The following DGLUCY variants were observed in gnomAD, a reference collection of about 807,000 sequenced individuals.
DGLUCY encodes the protein D-glutamate cyclase.
DGLUCY carries 58 observed loss-of-function variants against 58.5 expected under a neutral mutation model. The ratio of observed to expected loss-of-function variants is 0.99; its 90% confidence interval spans 0.80 to 1.23. The LOEUF is 1.23. Among genes scored for constraint, DGLUCY ranks in the 50% most tolerant of loss-of-function variants. The probability of loss-of-function intolerance (pLI) is 0.00; values close to 1 mark genes in which losing one functional copy is unlikely to be tolerated. For synonymous variants in DGLUCY, 325 were observed against 314.1 expected, an observed-to-expected ratio of 1.03 and a Z score of -0.37; for missense variants, 779 against 784.7, an observed-to-expected ratio of 0.99 and a Z score of 0.09.
intron 1 of DGLUCY, among the ~76,000 whole-genome samples, chr14:91,153,331 C>T (rs575920735): frequency 2.1e-4 from 32 of 152,164 alleles, no homozygotes; most frequent in Non-Finnish European, 3.1e-4. Context: ...TATAGACATG[C>T]GCCACCACAC....
chr14:91,213,759 G>C (rs2140718066), intron 12 of DGLUCY, among the ~76,000 whole-genome samples: 1 of 152,040 alleles, frequency 6.6e-6, no homozygotes, highest in South Asian at 2.1e-4. Context: ...GAGTGCCATG[G>C]CATGATCTTG....
At chr14:91,137,135 G>A (rs149210680) in intron 1 of DGLUCY, among the ~76,000 whole-genome samples, 470 of 142,892 alleles carry the variant, frequency 3.3e-3, no homozygotes, top group African/African-American at 0.01. Context: ...GTCTGTTCAG[G>A]TTTTTTTTTT....
At chr14:91,174,476 T>C (rs1053594328) in intron 6 of DGLUCY, among the ~76,000 whole-genome samples, 2 of 152,050 alleles carry the variant, frequency 1.3e-5, no homozygotes, top group Non-Finnish European at 2.9e-5. Flanking sequence ...CAGCTAATTT[T>C]TGTATTTTTA....
chr14:91,124,926 A>G (rs1245220681), intron 1 of DGLUCY, among the ~76,000 whole-genome samples: 1 of 152,244 alleles, frequency 6.6e-6, no homozygotes, highest in East Asian at 1.9e-4. Flanking sequence ...TACTGGTCCA[A>G]GCAAGTATTA....
chr14:91,102,351 G>A (rs1566940840), intron 1 of DGLUCY, among the ~76,000 whole-genome samples: 1 of 152,018 alleles, frequency 6.6e-6, no homozygotes, highest in Non-Finnish European at 1.5e-5. Context: ...AATCCTTCTC[G>A]AGAAAGTGTC....
intron 1 of DGLUCY, among the ~76,000 whole-genome samples, chr14:91,122,926 G>A (rs2045470351): frequency 6.6e-6 from 1 of 152,082 alleles, no homozygotes; most frequent in African/African-American, 2.4e-5. Flanking sequence ...TTTTCTTAAG[G>A]CTGCATTTCA....
At chr14:91,132,555 C>T (rs552750773) in intron 1 of DGLUCY, among the ~76,000 whole-genome samples, 3 of 151,952 alleles carry the variant, frequency 2.0e-5, no homozygotes, top group South Asian at 2.1e-4. Context: ...CTTGGCTCAC[C>T]GCAACCTCCA....
Position 91,177,899 on chromosome 14 carries a change from G to A in DGLUCY, c.730+1843G>A, listed in dbSNP as rs2048949600. On this transcript the variant is annotated intron_variant, in intron 7 of 13. Transcript: ENST00000256324. Reference sequence around the variant, plus strand: ...ACAGTGCTCCATGGGACAGGATGGAGTCCTCTGGGCGCTCATGGTCTTGTC... The same window carrying A: ...ACAGTGCTCCATGGGACAGGATGGAATCCTCTGGGCGCTCATGGTCTTGTC... Among the ~76,000 whole-genome samples, 7 of 152,360 alleles carry A rather than the reference G, an allele frequency of 4.6e-5. No individual in the cohort carries two copies. In the South Asian group the frequency reaches 1.4e-3, roughly 32 times the overall value.
At chr14:91,067,080 C>CAAA (rs778098019) in intron 1 of DGLUCY, among the ~76,000 whole-genome samples, 103 of 70,868 alleles carry the variant, frequency 1.5e-3, no homozygotes, top group African/African-American at 1.8e-3. Context: ...GACTCCATCT[C>CAAA]AAAAAAAAAA....
At chr14:91,194,027 A>G (rs1471746487) in intron 9 of DGLUCY, among the ~76,000 whole-genome samples, 1 of 152,040 alleles carries the variant, frequency 6.6e-6, no homozygotes, top group Non-Finnish European at 1.5e-5. Flanking sequence ...TTTGGGATAC[A>G]TTATGTTCCC....
chr14:91,222,337 C>A (rs1887639367), intron 13 of DGLUCY, among the ~76,000 whole-genome samples: 1 of 152,178 alleles, frequency 6.6e-6, no homozygotes. Context: ...CTTCCTGGGG[C>A]CCAGAAGGAT....
intron 1 of DGLUCY, among the ~76,000 whole-genome samples, chr14:91,090,142 G>A (rs1347923535): frequency 6.6e-6 from 1 of 152,138 alleles, no homozygotes; most frequent in Non-Finnish European, 1.5e-5. Context: ...TCTCCTCACT[G>A]GCTGAGCACG....
intron 1 of DGLUCY, among the ~76,000 whole-genome samples, chr14:91,138,064 A>G (rs1320812212): frequency 6.6e-6 from 1 of 152,114 alleles, no homozygotes; most frequent in Non-Finnish European, 1.5e-5. Flanking sequence ...TTGACCTGAC[A>G]CTTTCCTCTT....
intron 1 of DGLUCY, among the ~76,000 whole-genome samples, chr14:91,151,175 T>C (rs1482691861): frequency 6.6e-6 from 1 of 152,276 alleles, no homozygotes; most frequent in African/African-American, 2.4e-5. Context: ...AAGAATATTC[T>C]ACTGTATGTA....
chr14:91,090,233 C>A (rs10143322), intron 1 of DGLUCY, among the ~76,000 whole-genome samples: 6 of 151,868 alleles, frequency 4.0e-5, no homozygotes, highest in African/African-American at 1.5e-4. Flanking sequence ...ATGGGGGAAC[C>A]CCCACAGATG....
chr14:91,206,939 G>T (rs926787324), intron 12 of DGLUCY, among the ~76,000 whole-genome samples: 3 of 151,918 alleles, frequency 2.0e-5, no homozygotes, highest in Non-Finnish European at 4.4e-5. Context: ...TTTTAAGAAA[G>T]AATAAATAAG....
At chr14:91,199,995 C>A in intron 11 of DGLUCY, 90 bp downstream of exon 11, 1 of 1,537,362 alleles carries the variant, frequency 6.5e-7, no homozygotes, top group Non-Finnish European at 8.9e-7. Flanking sequence ...TGCTCTGTCA[C>A]CCAGGCTGGA....
intron 1 of DGLUCY, among the ~76,000 whole-genome samples, chr14:91,098,926 G>A (rs910493125): frequency 2.6e-5 from 4 of 152,164 alleles, no homozygotes; most frequent in African/African-American, 4.8e-5. Context: ...ATTGAATAGT[G>A]GAAAATAATG....
At chr14:91,181,481 G>C in intron 8 of DGLUCY, 92 bp downstream of exon 8, 3 of 1,271,922 alleles carry the variant, frequency 2.4e-6, no homozygotes, top group Non-Finnish European at 3.3e-6. Context: ...AAAAAGGTGG[G>C]ATGCAAAATG....
Sources: allele counts gnomAD v4.1 joint callset (sites outside exome capture counted in the v4.1 genomes callset), GRCh38; gene constraint gnomAD v4.1.1; transcripts MANE v1.5; gene names NCBI Gene and HGNC (gene_info 2026-07-23, HGNC 2026-07-21).